CD72: variants seen among roughly 807,000 people sequenced by gnomAD.
CD72 encodes CD72 molecule.
CD72 carries 28 observed loss-of-function variants against 50.7 expected under a neutral mutation model. That is an observed-to-expected ratio of 0.55 (90% confidence interval 0.41 to 0.76). The LOEUF (loss-of-function observed/expected upper bound fraction) is 0.76. CD72 is among the 30% of genes least tolerant of loss of function. The pLI, the probability that CD72 is intolerant of heterozygous loss-of-function variation, is 0.00. For missense variants in CD72, 403 were observed against 420.6 expected (o/e 0.96, Z 0.37); for synonymous variants, 176 against 171.2 (o/e 1.03, Z -0.22).
intron 1 of CD72, among the ~76,000 whole-genome samples, chr9:35,644,781 A>G (rs1389574594): frequency 6.6e-6 from 1 of 152,160 alleles, no homozygotes; most frequent in African/African-American, 2.4e-5. Flanking sequence ...GAATTGGGCA[A>G]TAAGTGAAGA....
chr9:35,623,213 G>A (rs530718832), upstream of CD72, among the ~76,000 whole-genome samples: 3 of 152,248 alleles, frequency 2.0e-5, no homozygotes, highest in Non-Finnish European at 4.4e-5. Context: ...ATAGGATGGA[G>A]GGAGTCCTGG....
intron 1 of CD72, among the ~76,000 whole-genome samples, chr9:35,644,119 G>A (rs1443135915): frequency 4.6e-5 from 7 of 151,680 alleles, no homozygotes; most frequent in Admixed American, 4.6e-4. Context: ...GGCCAAGGTG[G>A]GTGGATCATG....
In CD72 at chr9:35,630,036, C is replaced by CTTTTTTTTTT. The variant is rs35481553; in HGVS notation, n.409-11925_409-11916dup. 2.7e-3 allele frequency among the ~76,000 whole-genome samples: 344 copies of CTTTTTTTTTT among 128,884 alleles called. 2 individuals carry two copies. Among genetic ancestry groups the CTTTTTTTTTT allele is most frequent in the Non-Finnish European group, 3.6e-3 (225 of 62,862 alleles). The allele number at this position is 128,884 out of a possible 152,430, so 84.6% of individuals were successfully genotyped here. A position where few individuals can be genotyped will look rare whatever the true frequency, so the allele number is the denominator to read the frequency against. ...ATATTTGGTAAAGTGAATTTCTTTT[C>CTTTTTTTTTT]TTTTTTTTTTTTTTTTGGAGATGGG... is the stretch of plus-strand genomic sequence containing the variant. On this transcript the variant is annotated intron_variant and non_coding_transcript_variant, in intron 1 of 3. Transcript: ENST00000465754.
upstream of CD72, among the ~76,000 whole-genome samples, chr9:35,623,865 G>A (rs1823168770): frequency 6.6e-6 from 1 of 152,040 alleles, no homozygotes. Context: ...AGTGAGCCGA[G>A]ATTCCACCAC....
chr9:35,617,563 C>G (rs1276242570), intron 2 of CD72, among the ~76,000 whole-genome samples: 1 of 152,140 alleles, frequency 6.6e-6, no homozygotes, highest in Non-Finnish European at 1.5e-5. Context: ...TCTCCCATCA[C>G]CTCTTTTCCC....
At chr9:35,615,510 C>T (rs1823050776) in intron 5 of CD72, among the ~76,000 whole-genome samples, 1 of 152,112 alleles carries the variant, frequency 6.6e-6, no homozygotes, top group Non-Finnish European at 1.5e-5. Context: ...CACCAGGTTG[C>T]ACTCCATGTC....
upstream of CD72, among the ~76,000 whole-genome samples, chr9:35,621,911 T>C (rs1389144018): frequency 6.6e-6 from 1 of 152,222 alleles, no homozygotes; most frequent in African/African-American, 2.4e-5. Context: ...CACCTTGACT[T>C]TAGCCCAGTG....
intron 1 of CD72, among the ~76,000 whole-genome samples, chr9:35,639,166 G>A (rs1172211526): frequency 6.6e-6 from 1 of 151,722 alleles, no homozygotes; most frequent in East Asian, 1.9e-4. Context: ...CAAAGTACTG[G>A]CTTTAAAAAA....
Position 35,611,838 on chromosome 9 carries a change from C to G in CD72, c.916G>C (p.Asp306His). Reference sequence around the variant, plus strand: ...TGTGTATCATCAGTCAACTTCCAATCCTTGTTAGAGCTGAGGCCAGTCCAA... The same window carrying G: ...TGTGTATCATCAGTCAACTTCCAATGCTTGTTAGAGCTGAGGCCAGTCCAA... ...SYWTGLSSNK[D>H]WKLTDDTQRT... The change falls in exon 7 of 9, where the codon GAT (aspartate) becomes CAT (histidine). Residue 306 changes from aspartate to histidine, a missense_variant. By Grantham distance (81) the Asp-to-His change is moderately conservative. Transcript: ENST00000259633. The G allele has an allele frequency of 6.2e-7, 1 of 1,612,124 alleles. No individual in the cohort carries two copies. The highest frequency in any genetic ancestry group is 8.5e-7 in the Non-Finnish European group (1 of 1,178,184).
chr9:35,616,328 T>A (rs774440747), intron 4 of CD72, 50 bp from the exon 5 acceptor site: 9 of 1,441,524 alleles, frequency 6.2e-6, no homozygotes, highest in Non-Finnish European at 8.6e-6. Flanking sequence ...CCTGCCCTAG[T>A]GCCCTGAGAC....
At chr9:35,612,479 G>A in intron 6 of CD72, among the ~76,000 whole-genome samples, 1 of 152,108 alleles carries the variant, frequency 6.6e-6, no homozygotes, top group Non-Finnish European at 1.5e-5. Flanking sequence ...CAGCTACTCA[G>A]GAGGCTGAGA....
chr9:35,621,306 T>C (rs1587904913), upstream of CD72, among the ~76,000 whole-genome samples: 2 of 152,124 alleles, frequency 1.3e-5, no homozygotes, highest in African/African-American at 4.8e-5. Context: ...GTGTTTACGG[T>C]TGACAAGAGG....
At chr9:35,618,514 C>G, upstream of CD72, 1 of 1,283,042 alleles carries the variant, frequency 7.8e-7, no homozygotes. Context: ...ATCCCTGGGC[C>G]AGGGCCAGAG....
Position 35,610,744 on chromosome 9 carries a change from A to G in CD72, c.960T>C (p.Ala320=). 1 of 1,612,400 alleles carries G rather than the reference A, an allele frequency of 6.2e-7. No individual in the cohort carries two copies. The highest frequency in any genetic ancestry group is 8.5e-7 in the Non-Finnish European group (1 of 1,179,148). Residue 320 remains alanine, a synonymous_variant, in exon 8 of 9, where the codon GCT becomes GCC. Transcript: ENST00000259633. ...GTACCTTGTTACATTTTGAGCTTTG[A>G]GCATAAGTCCTAAAAAGTAGTAAGG... ...TDDTQRTRTY[A]QSSKCNKVHK... is the part of the protein sequence containing the mutation.
chr9:35,610,501 A>C (rs1471107299), intron 8 of CD72, 101 bp downstream of exon 8: 2 of 638,196 alleles, frequency 3.1e-6, no homozygotes, highest in African/African-American at 2.0e-5. Flanking sequence ...CATCCCAGGT[A>C]CAAGTTTTCT....
At chr9:35,620,443 C>A (rs562502135), upstream of CD72, among the ~76,000 whole-genome samples, 4 of 148,480 alleles carry the variant, frequency 2.7e-5, no homozygotes, top group East Asian at 7.9e-4. Context: ...GCACTCCAGC[C>A]TAGGCAACAA....
rs1193772774 is a variant in CD72, at chr9:35,618,104, C to T, written c.100G>A (p.Asp34Asn). 1.9e-6 allele frequency: 3 copies of T among 1,613,846 alleles called. No individual in the cohort carries two copies. Among genetic ancestry groups the T allele is most frequent in the Non-Finnish European group, 1.7e-6 (2 of 1,179,850 alleles). ...RLGQDPGADDDGEITYENVQV... is the reference protein window; with the variant it reads ...RLGQDPGADDNGEITYENVQV... ...ACATTCTCGTAGGTGATTTCCCCAT[C>T]ATCATCAGCCCCTGGGTCTAGAGAG... The change falls in exon 2 of 9, where the codon GAT (aspartate) becomes AAT (asparagine). Residue 34 changes from aspartate (D) to asparagine (N), a missense_variant. Coordinates refer to ENST00000259633, the MANE Select transcript of CD72 (RefSeq NM_001782.3).
chr9:35,638,921 C>T lies in CD72; in HGVS notation n.408+7482G>A, dbSNP rs541559961. On this transcript the variant is annotated intron_variant and non_coding_transcript_variant, in intron 1 of 3. Transcript: ENST00000465754. ...ATTCTGACAAGCTAAAGGAAACTAC[C>T]CAAGGTAAAGGCGAAAACCCAGCCC... Among the ~76,000 whole-genome samples the T allele has an allele frequency of 1.7e-4, 26 of 152,316 alleles. No homozygotes were observed. The South Asian group carries it at 2.5e-3, about 15-fold the overall frequency.
intron 7 of CD72, among the ~76,000 whole-genome samples, chr9:35,611,494 C>T (rs1239851522): frequency 6.6e-6 from 1 of 152,286 alleles, no homozygotes; most frequent in Non-Finnish European, 1.5e-5. Flanking sequence ...GATGGAGAAA[C>T]GCTGCTGTCA....
Sources: gnomAD v4.1 joint callset for allele counts (sites outside exome capture counted in the v4.1 genomes callset) on GRCh38, gnomAD v4.1.1 for gene constraint, MANE v1.5 for transcripts, NCBI Gene and HGNC (gene_info 2026-07-23, HGNC 2026-07-21) for gene names.